TNRC18: variants seen among roughly 807,000 people sequenced by gnomAD.
TNRC18 encodes trinucleotide repeat-containing gene 18 protein.
Under a neutral mutation model 226.7 loss-of-function variants are expected in TNRC18, and 69 were observed. That is an observed-to-expected ratio of 0.30 (90% confidence interval 0.25 to 0.37). The LOEUF (loss-of-function observed/expected upper bound fraction) is 0.37, where lower values mean the gene tolerates loss of function less well. Among genes scored for constraint, TNRC18 ranks in the 10% least tolerant of loss-of-function variants. The pLI is 1.00. For missense variants in TNRC18, 4,754 were observed against 4,256.6 expected, an observed-to-expected ratio of 1.12 and a Z score of -3.25; for synonymous variants, 2,449 against 1,927.6, an observed-to-expected ratio of 1.27 and a Z score of -7.09.
At position 5,307,188 on chromosome 7, in the gene TNRC18, A is replaced by C. The variant is rs1411816389; in HGVS notation, c.*918T>G. On this transcript the variant is annotated 3_prime_UTR_variant, in exon 30 of 30. Transcript: ENST00000430969. ...ATAATCTAACAGGAAATAAAAAATAATATTCTGCACGTCAGAATGTTTTTT... is the reference window on the plus strand; with the variant it reads ...ATAATCTAACAGGAAATAAAAAATACTATTCTGCACGTCAGAATGTTTTTT... The C allele has an allele frequency of 1.5e-5, 2 of 137,108 alleles. No individual in the cohort carries two copies. The highest frequency in any genetic ancestry group is 3.1e-5 in the Non-Finnish European group (2 of 64,436). 8.5% of individuals were successfully genotyped at this position (137,108 alleles called of 1,614,324 possible). A position where few individuals can be genotyped will look rare whatever the true frequency, so the allele number is the denominator to read the frequency against.
chr7:5,313,910 G>A (rs1787572731), intron 26 of TNRC18, 47 bp from the exon 27 acceptor site: 2 of 1,422,082 alleles, frequency 1.4e-6, no homozygotes, highest in East Asian at 2.4e-5. Flanking sequence ...CTTCCTGGCA[G>A]AGATGAGCTG....
chr7:5,376,305 G>T, intron 8 of TNRC18, 81 bp from the exon 9 acceptor site: 2 of 1,223,660 alleles, frequency 1.6e-6, no homozygotes, highest in Non-Finnish European at 2.2e-6. Context: ...GCTGAAGCCA[G>T]AGAGGGGCCA....
chr7:5,332,085 C>T (rs1789581879), intron 19 of TNRC18, among the ~76,000 whole-genome samples: 1 of 152,144 alleles, frequency 6.6e-6, no homozygotes, highest in Admixed American at 6.6e-5. Flanking sequence ...TCCCAGGTAT[C>T]TTATTCACTT....
intron 5 of TNRC18, among the ~76,000 whole-genome samples, chr7:5,382,996 G>C (rs1228119341): frequency 6.6e-6 from 1 of 152,236 alleles, no homozygotes; most frequent in Non-Finnish European, 1.5e-5. Context: ...GGGGTCAGGT[G>C]ATCCTTCCCT....
chr7:5,375,173 A>G lies in TNRC18; in HGVS notation c.2800-689T>C, dbSNP rs551898316. Among the ~76,000 whole-genome samples the G allele has an allele frequency of 2.0e-4, 30 of 152,278 alleles. 1 individual carries two copies. Among genetic ancestry groups the G allele is most frequent in the South Asian group, 1.7e-3 (8 of 4,818 alleles). ...TAGAGAAAAAAATTAGCCGTGCATG[A>G]CAGCATGTGCCTGTAATTCCAGCTA... On this transcript the variant is annotated intron_variant, in intron 9 of 29. Coordinates refer to ENST00000430969, the MANE Select transcript of TNRC18 (RefSeq NM_001080495.3).
At chr7:5,386,891 T>A (rs1352738926) in intron 5 of TNRC18, among the ~76,000 whole-genome samples, 1 of 152,114 alleles carries the variant, frequency 6.6e-6, no homozygotes, top group East Asian at 1.9e-4. Flanking sequence ...CCTGACCAAC[T>A]TGGAGAAACC....
At chr7:5,404,763 A>AGTGTGTGTGTGTGTGTGTGTGT (rs57464872) in intron 2 of TNRC18, among the ~76,000 whole-genome samples, 26 of 147,232 alleles carry the variant, frequency 1.8e-4, no homozygotes, top group African/African-American at 6.3e-4. Context: ...GCACACTTTC[A>AGTGTGTGTGTGTGTGTGTGTGT]GTGTGTGTGT....
At position 5,376,999 on chromosome 7, in the gene TNRC18, A is replaced by G. The variant is rs746999479; in HGVS notation, c.2462-6T>C. Reference sequence around the variant, plus strand: ...CAGAGATGGGGGACCCAAGCCTAGGAGGAGAAGCCCAGGCCTGAGTCAGTG... The same window carrying G: ...CAGAGATGGGGGACCCAAGCCTAGGGGGAGAAGCCCAGGCCTGAGTCAGTG... On this transcript the variant is annotated splice_region_variant and splice_polypyrimidine_tract_variant and intron_variant, in intron 7 of 29. Coordinates refer to ENST00000430969, the MANE Select transcript of TNRC18 (RefSeq NM_001080495.3). 2.5e-6 allele frequency: 4 copies of G among 1,573,304 alleles called. No individual in the cohort carries two copies. The highest frequency in any genetic ancestry group is 3.4e-6 in the Non-Finnish European group (4 of 1,159,914).
chr7:5,359,347 C>A, intron 15 of TNRC18, 51 bp downstream of exon 15: 1 of 1,602,098 alleles, frequency 6.2e-7, no homozygotes, highest in Non-Finnish European at 8.5e-7. Context: ...AACACACCCT[C>A]CAGACACCTC....
chr7:5,379,608 C>T (rs1394298497), intron 5 of TNRC18, among the ~76,000 whole-genome samples: 1 of 152,112 alleles, frequency 6.6e-6, no homozygotes. Flanking sequence ...GCAGGAGCCC[C>T]GTCTGGCCCT....
At chr7:5,415,618 T>G (rs1295894300) in intron 2 of TNRC18, among the ~76,000 whole-genome samples, 1 of 149,998 alleles carries the variant, frequency 6.7e-6, no homozygotes, top group Non-Finnish European at 1.5e-5. Context: ...TGACCTCAGG[T>G]GATCAGCCTG....
chr7:5,389,616 G>A (rs1233430833), intron 4 of TNRC18: 4 of 240,670 alleles, frequency 1.7e-5, no homozygotes, highest in Admixed American at 5.6e-5. Context: ...CACCACGCAC[G>A]GCTAATTATT....
intron 11 of TNRC18, among the ~76,000 whole-genome samples, chr7:5,366,766 C>T (rs374529864): frequency 2.0e-5 from 3 of 152,266 alleles, no homozygotes; most frequent in South Asian, 2.1e-4. Flanking sequence ...TCTACAATGT[C>T]AGGTAAGGAT....
chr7:5,362,902 G>C (rs1218824716), intron 11 of TNRC18, 77 bp from the exon 12 acceptor site: 1 of 1,404,782 alleles, frequency 7.1e-7, no homozygotes, highest in African/African-American at 1.4e-5. Flanking sequence ...GAGGCCCAAA[G>C]CAAGCGCAGG....
At chr7:5,343,445 C>G (rs1790871977) in intron 18 of TNRC18, among the ~76,000 whole-genome samples, 3 of 152,188 alleles carry the variant, frequency 2.0e-5, no homozygotes, top group South Asian at 4.1e-4. Flanking sequence ...ATTTTTGAGA[C>G]AGGGTCTCAT....
Position 5,307,348 on chromosome 7 carries a change from G to A in TNRC18, c.*758C>T, listed in dbSNP as rs1022066331. 2 of 189,388 alleles carry A rather than the reference G, an allele frequency of 1.1e-5. No individual in the cohort carries two copies. Among genetic ancestry groups the A allele is most frequent in the South Asian group, 6.2e-5 (1 of 16,196 alleles). 11.7% of individuals were successfully genotyped at this position (189,388 alleles called of 1,614,324 possible). On this transcript the variant is annotated 3_prime_UTR_variant, in exon 30 of 30. Transcript: ENST00000430969. ...GATACAGGGGCGGGGCGAGTCTCTT[G>A]GTACAATAAAACTGTACAGGTTAAG... is the stretch of plus-strand genomic sequence containing the variant.
intron 2 of TNRC18, among the ~76,000 whole-genome samples, chr7:5,406,504 G>C (rs1781472703): frequency 6.6e-6 from 1 of 151,016 alleles, no homozygotes; most frequent in South Asian, 2.1e-4. Context: ...CAAATACTGT[G>C]TGTGATGCCA....
Position 5,306,885 on chromosome 7 carries a change from A to T in TNRC18, c.*1221T>A, listed in dbSNP as rs1941997342. On this transcript the variant is annotated 3_prime_UTR_variant, in exon 30 of 30. Transcript: ENST00000430969. ...AAATTCCAAAAGAAACATAAAAAAA[A>T]AAACCAATAATTCCCCCAAAAAACA... 1 of 151,046 alleles carries T rather than the reference A, an allele frequency of 6.6e-6. No individual in the cohort carries two copies. The highest frequency in any genetic ancestry group is 2.1e-4 in the South Asian group (1 of 4,798). The allele number at this position is 151,046 out of a possible 1,614,324, so 9.4% of individuals were successfully genotyped here. A position where few individuals can be genotyped will look rare whatever the true frequency, so the allele number is the denominator to read the frequency against.
At chr7:5,379,090 A>C (rs1278719892) in intron 5 of TNRC18, among the ~76,000 whole-genome samples, 4 of 151,996 alleles carry the variant, frequency 2.6e-5, no homozygotes, top group Non-Finnish European at 4.4e-5. Flanking sequence ...CCAGCTACTC[A>C]GGAGGCTGAG....
Sources: gnomAD v4.1 joint callset for allele counts (sites outside exome capture counted in the v4.1 genomes callset) on GRCh38, gnomAD v4.1.1 for gene constraint, MANE v1.5 for transcripts, NCBI Gene and HGNC (gene_info 2026-07-23, HGNC 2026-07-21) for gene names.